Variants in CPEB3 observed in about 807,000 individuals in gnomAD.
The protein encoded by CPEB3 is cytoplasmic polyadenylation element-binding protein 3.
A neutral mutation model predicts 67.2 loss-of-function variants in CPEB3; 20 were observed. The observed-to-expected ratio is 0.30, with a 90% CI of 0.21 to 0.43. CPEB3 has a LOEUF of 0.43. CPEB3 is among the 20% of genes least tolerant of loss of function. The probability of loss-of-function intolerance (pLI) is 1.00; values close to 1 mark genes in which losing one functional copy is unlikely to be tolerated. For synonymous variants in CPEB3, 376 were observed against 393.1 expected, an observed-to-expected ratio of 0.96 and a Z score of 0.51; for missense variants, 746 against 968.6, an observed-to-expected ratio of 0.77 and a Z score of 3.05.
chr10:92,103,131 C>T (rs1488632116), intron 7 of CPEB3, among the ~76,000 whole-genome samples: 1 of 152,172 alleles, frequency 6.6e-6, no homozygotes, highest in African/African-American at 2.4e-5. Context: ...AGTTACCTTC[C>T]AGGGGTAGGA....
In CPEB3 at chr10:92,195,436, G is replaced by A. The variant is rs61875209; in HGVS notation, c.1006-2800C>T. ...AAGTTATTAGTGGAAACTCTAAGGA[G>A]TAAAGCTGAATTTCCAGAAATGCAG... On this transcript the variant is annotated intron_variant, in intron 2 of 9. Transcript: ENST00000265997. Among the ~76,000 whole-genome samples, 173 of 152,298 alleles carry A rather than the reference G, an allele frequency of 1.1e-3. 2 individuals carry two copies. In the South Asian group the frequency reaches 0.014, roughly 12 times the overall value.
intron 4 of CPEB3, among the ~76,000 whole-genome samples, chr10:92,177,291 T>C (rs547217696): frequency 1.1e-3 from 162 of 152,320 alleles, no homozygotes; most frequent in Non-Finnish European, 1.9e-3. Flanking sequence ...AAAAATATAT[T>C]ACCTGATTAA....
intron 2 of CPEB3, among the ~76,000 whole-genome samples, chr10:92,206,076 C>CT (rs575156457): frequency 0.023 from 3,261 of 139,230 alleles, 110 homozygotes; most frequent in African/African-American, 0.077. Flanking sequence ...CCAGTAAATA[C>CT]TTTTTTTTTT....
intron 6 of CPEB3, among the ~76,000 whole-genome samples, chr10:92,130,321 T>G (rs1845787887): frequency 5.3e-5 from 8 of 152,090 alleles, no homozygotes; most frequent in Admixed American, 5.2e-4. Context: ...TCATGTTTAC[T>G]TTTGTGACTA....
At chr10:92,268,274 C>A (rs1442203579) in intron 1 of CPEB3, among the ~76,000 whole-genome samples, 1 of 152,008 alleles carries the variant, frequency 6.6e-6, no homozygotes, top group East Asian at 1.9e-4. Context: ...AGAATATTAC[C>A]TGTTCCTGAT....
At chr10:92,255,680 C>CCTATGGA (rs1308850154) in intron 1 of CPEB3, among the ~76,000 whole-genome samples, 1 of 152,206 alleles carries the variant, frequency 6.6e-6, no homozygotes, top group Non-Finnish European at 1.5e-5. Flanking sequence ...ACACTTCTGA[C>CCTATGGA]CTATGGAACT....
chr10:92,182,010 T>A (rs1439529449), intron 3 of CPEB3, among the ~76,000 whole-genome samples: 2 of 150,696 alleles, frequency 1.3e-5, no homozygotes, highest in African/African-American at 2.4e-5. Context: ...AAAAAAAAAA[T>A]GTACTTAGAA....
At chr10:92,187,852 T>C (rs890665399) in intron 3 of CPEB3, among the ~76,000 whole-genome samples, 3 of 152,148 alleles carry the variant, frequency 2.0e-5, no homozygotes, top group African/African-American at 7.2e-5. Flanking sequence ...GAACAGTTGC[T>C]CCCTCCTACT....
At chr10:92,191,379 C>CAAAAAAATAAAAAATA (rs568345148) in intron 3 of CPEB3, among the ~76,000 whole-genome samples, 10 of 148,228 alleles carry the variant, frequency 6.7e-5, no homozygotes, top group African/African-American at 2.5e-4. Flanking sequence ...TCCACTGTCT[C>CAAAAAAATAAAAAATA]AAAAAAATAA....
chr10:92,113,054 A>G (rs1564789726), intron 6 of CPEB3, among the ~76,000 whole-genome samples: 1 of 152,182 alleles, frequency 6.6e-6, no homozygotes. Flanking sequence ...TAGCAGAAAA[A>G]AAGACCAGCC....
Position 92,136,205 on chromosome 10 carries a change from C to G in CPEB3, c.1453+6824G>C, listed in dbSNP as rs544604266. Reference sequence around the variant, plus strand: ...ATTAAGACCTCAAACTATGAAACTACTAAAAGAAATACTAAGACAAACAAA... The same window carrying G: ...ATTAAGACCTCAAACTATGAAACTAGTAAAAGAAATACTAAGACAAACAAA... On this transcript the variant is annotated intron_variant, in intron 6 of 9. Transcript: ENST00000265997. Among the ~76,000 whole-genome samples, 3 of 151,684 alleles carry G rather than the reference C, an allele frequency of 2.0e-5. No individual in the cohort carries two copies. In the East Asian group the frequency reaches 5.8e-4, roughly 29 times the overall value.
intron 2 of CPEB3, among the ~76,000 whole-genome samples, chr10:92,237,116 C>T (rs1473800898): frequency 1.3e-5 from 2 of 152,126 alleles, no homozygotes; most frequent in Non-Finnish European, 2.9e-5. Flanking sequence ...ATTCTGCACA[C>T]AAGACTCAGG....
chr10:92,112,149 T>TG (rs1844779673), intron 6 of CPEB3, among the ~76,000 whole-genome samples: 1 of 142,298 alleles, frequency 7.0e-6, no homozygotes, highest in Non-Finnish European at 1.5e-5. Flanking sequence ...TTTTTTTTTT[T>TG]GAGATGCAGT....
At chr10:92,222,673 T>C (rs1299406596) in intron 2 of CPEB3, among the ~76,000 whole-genome samples, 2 of 152,206 alleles carry the variant, frequency 1.3e-5, no homozygotes, top group Non-Finnish European at 2.9e-5. Context: ...TTTTAAGTTA[T>C]GGACCCCTTT....
chr10:92,211,713 G>T (rs1850095642), intron 2 of CPEB3, among the ~76,000 whole-genome samples: 1 of 147,904 alleles, frequency 6.8e-6, no homozygotes, highest in Admixed American at 6.8e-5. Flanking sequence ...ATTTTTTTGT[G>T]TGTATTTTTA....
At chr10:92,230,645 C>T (rs950169452) in intron 2 of CPEB3, among the ~76,000 whole-genome samples, 12 of 152,120 alleles carry the variant, frequency 7.9e-5, no homozygotes, top group African/African-American at 2.4e-4. Flanking sequence ...AAATGCCCAG[C>T]ACCACAAAGA....
At chr10:92,261,122 T>C (rs996010101) in intron 1 of CPEB3, among the ~76,000 whole-genome samples, 16 of 152,196 alleles carry the variant, frequency 1.1e-4, no homozygotes, top group African/African-American at 3.9e-4. Flanking sequence ...TCAATATGTC[T>C]ACACAGGTAG....
intron 8 of CPEB3, among the ~76,000 whole-genome samples, chr10:92,086,000 G>A (rs1590103351): frequency 6.6e-6 from 1 of 152,008 alleles, no homozygotes; most frequent in Non-Finnish European, 1.5e-5. Flanking sequence ...TTCACCTTAG[G>A]GCCCTATTTA....
At chr10:92,244,367 A>T (rs1851971849) in intron 1 of CPEB3, among the ~76,000 whole-genome samples, 1 of 151,984 alleles carries the variant, frequency 6.6e-6, no homozygotes. Context: ...ACTAATAATA[A>T]TAACAATTGT....
Sources: allele counts gnomAD v4.1 joint callset (sites outside exome capture counted in the v4.1 genomes callset), GRCh38; gene constraint gnomAD v4.1.1; transcripts MANE v1.5; gene names NCBI Gene and HGNC (gene_info 2026-07-23, HGNC 2026-07-21).